VASH1: variants seen among roughly 807,000 people sequenced by gnomAD.
VASH1 encodes the protein vasohibin 1.
A neutral mutation model predicts 35.0 loss-of-function variants in VASH1; 16 were observed. The ratio of observed to expected loss-of-function variants is 0.46; its 90% CI spans 0.31 to 0.70. The LOEUF (loss-of-function observed/expected upper bound fraction) is 0.70. Ranked by LOEUF, VASH1 falls within the 30% of genes least tolerant of loss-of-function variation. The pLI is 0.05. For synonymous variants in VASH1, 214 were observed against 200.9 expected, an observed-to-expected ratio of 1.07 and a Z score of -0.55; for missense variants, 505 against 510.7, an observed-to-expected ratio of 0.99 and a Z score of 0.11.
rs755186297 is a variant in VASH1, at chr14:76,776,163, C to T, written c.802C>T (p.His268Tyr). ...GGGCCAGAGCGTGTCACACGACCCG[C>T]ACAGCGTGGAGCAGATCGAGTGGAA... ...KLGQSVSHDP[H>Y]SVEQIEWKHS... Residue 268 changes from histidine (H) to tyrosine (Y), a missense_variant, in exon 5 of 7, where the codon CAC (histidine) becomes TAC (tyrosine). His to Tyr is a moderately conservative substitution (Grantham distance 83). Coordinates refer to ENST00000167106, the MANE Select transcript of VASH1 (RefSeq NM_014909.5). The T allele has an allele frequency of 1.9e-6, 3 of 1,610,866 alleles. No individual in the cohort carries two copies. The highest frequency in any genetic ancestry group is 2.5e-6 in the Non-Finnish European group (3 of 1,179,804).
chr14:76,776,297 G>GCCCCCT, intron 5 of VASH1, 24 bp downstream of exon 5: 2 of 1,468,216 alleles, frequency 1.4e-6, no homozygotes, highest in Non-Finnish European at 1.8e-6. Flanking sequence ...CCACGCCCTC[G>GCCCCCT]CCCCCTCCCT....
At chr14:76,765,484 G>A (rs942649942) in intron 1 of VASH1, among the ~76,000 whole-genome samples, 10 of 152,192 alleles carry the variant, frequency 6.6e-5, no homozygotes, top group African/African-American at 2.4e-4. Flanking sequence ...GTCTGGGAGT[G>A]CAGTGGAGTC....
chr14:76,769,158 C>T, intron 1 of VASH1: 1 of 566,134 alleles, frequency 1.8e-6, no homozygotes, highest in Non-Finnish European at 2.2e-6. Flanking sequence ...ACCTTACCCC[C>T]AGCAGCCTCC....
intron 4 of VASH1, chr14:76,773,451 C>G: frequency 1.9e-6 from 1 of 539,870 alleles, no homozygotes; most frequent in East Asian, 2.9e-5. Flanking sequence ...CTGGGCAGCT[C>G]TTTTTTGAGT....
rs937087529 is a variant in VASH1, at chr14:76,780,748, A to G, written c.*1730A>G. On this transcript the variant is annotated 3_prime_UTR_variant, in exon 7 of 7. Transcript: ENST00000167106. The stretch of plus-strand genomic sequence containing the variant: ...GATTTTTAAATGCTGGTGATCACTT[A>G]AAAAAAACTTAAAAACCCAATACTG... The G allele has an allele frequency of 6.6e-6, 1 of 152,126 alleles. No homozygotes were observed. Among genetic ancestry groups the G allele is most frequent in the Non-Finnish European group, 1.5e-5 (1 of 68,022 alleles). The allele number at this position is 152,126 out of a possible 1,614,324, so 9.4% of individuals were successfully genotyped here.
intron 4 of VASH1, chr14:76,773,805 T>G (rs924869089): frequency 3.9e-5 from 6 of 152,948 alleles, no homozygotes; most frequent in African/African-American, 1.4e-4. Flanking sequence ...GAGGAGGAAG[T>G]GTTTATGGCT....
Position 76,782,961 on chromosome 14 carries a change from C to T in VASH1, c.*3943C>T, listed in dbSNP as rs1368127876. The T allele has an allele frequency of 1.3e-5, 2 of 152,758 alleles. No homozygotes were observed. Among genetic ancestry groups the T allele is most frequent in the Non-Finnish European group, 2.9e-5 (2 of 68,110 alleles). The allele number at this position is 152,758 out of a possible 1,614,324, so 9.5% of individuals were successfully genotyped here. A position where few individuals can be genotyped will look rare whatever the true frequency, so the allele number is the denominator to read the frequency against. On this transcript the variant is annotated 3_prime_UTR_variant, in exon 7 of 7. Coordinates refer to ENST00000167106, the MANE Select transcript of VASH1 (RefSeq NM_014909.5). ...ATCTCATTCCTGTTGTCACTTTCCC[C>T]GAAACGAATAAAGTCTCCCCAGCTC... is the stretch of plus-strand genomic sequence containing the variant.
At chr14:76,777,187 T>G (rs532150809) in intron 5 of VASH1, among the ~76,000 whole-genome samples, 1 of 152,290 alleles carries the variant, frequency 6.6e-6, no homozygotes, top group Admixed American at 6.5e-5. Context: ...GGCCAAGATC[T>G]CCTGGGGTGA....
chr14:76,770,291 C>T (rs1290782670), intron 2 of VASH1, among the ~76,000 whole-genome samples: 35 of 152,158 alleles, frequency 2.3e-4, no homozygotes, highest in Admixed American at 2.3e-3. Context: ...ACCCCCTTCC[C>T]GCTCCTGCCG....
chr14:76,765,952 C>G (rs1893631324), intron 1 of VASH1, among the ~76,000 whole-genome samples: 2 of 152,228 alleles, frequency 1.3e-5, no homozygotes, highest in African/African-American at 4.8e-5. Flanking sequence ...CTACCATGTT[C>G]AAATCCTTGA....
chr14:76,770,261 C>T (rs958525232), intron 2 of VASH1, among the ~76,000 whole-genome samples: 4 of 152,242 alleles, frequency 2.6e-5, no homozygotes, highest in African/African-American at 9.6e-5. Flanking sequence ...GAGTGCAGGG[C>T]CCACTCTGCA....
rs1024409355 is a variant in VASH1 at position 76,762,829 on chromosome 14, G to A, written c.8G>A (p.Gly3Glu). MP[G>E]GKKVAGGGSS... ...CCCCTCGAAGATTTAGGGATGCCAG[G>A]GGGGAAGAAGGTGGCTGGGGGTGGC... The change falls in exon 1 of 7, where the codon GGG (glycine) becomes GAG (glutamate). Residue 3 changes from glycine (G) to glutamate (E), a missense_variant. Transcript: ENST00000167106. 1 of 1,491,016 alleles carries A rather than the reference G, an allele frequency of 6.7e-7. No individual in the cohort carries two copies. Among genetic ancestry groups the A allele is most frequent in the Non-Finnish European group, 8.9e-7 (1 of 1,120,684 alleles). 92.4% of individuals were successfully genotyped at this position (1,491,016 alleles called of 1,614,324 possible).
In VASH1 at chr14:76,771,261, G is replaced by A; in HGVS notation, c.455+15G>A. On this transcript the variant is annotated intron_variant, in intron 3 of 6. Transcript: ENST00000167106. ...CCTCTGACAGGGTAAGTATGGGGAG[G>A]CCAGTCCTCTGCCCCAGGGCTGGCT... 1 of 1,590,452 alleles carries A rather than the reference G, an allele frequency of 6.3e-7. No individual in the cohort carries two copies. The highest frequency in any genetic ancestry group is 8.6e-7 in the Non-Finnish European group (1 of 1,168,828).
In VASH1 at chr14:76,762,849, G is replaced by T; in HGVS notation, c.28G>T (p.Gly10Cys). ...GCCAGGGGGGAAGAAGGTGGCTGGG[G>T]GTGGCAGCAGCGGTGCCACTCCAAC... is the stretch of plus-strand genomic sequence containing the variant. MPGGKKVAG[G>C]GSSGATPTSA... The change falls in exon 1 of 7, where the codon GGT becomes TGT. Residue 10 changes from glycine (G) to cysteine (C), a missense_variant. Coordinates refer to ENST00000167106, the MANE Select transcript of VASH1 (RefSeq NM_014909.5). 1 of 1,506,878 alleles carries T rather than the reference G, an allele frequency of 6.6e-7. No homozygotes were observed. Among genetic ancestry groups the T allele is most frequent in the Admixed American group, 2.2e-5 (1 of 44,568 alleles). The allele number at this position is 1,506,878 out of a possible 1,614,324, so 93.3% of individuals were successfully genotyped here.
At chr14:76,778,160 T>A in intron 6 of VASH1, 89 bp downstream of exon 6, 1 of 964,874 alleles carries the variant, frequency 1.0e-6, no homozygotes, top group South Asian at 2.4e-5. Flanking sequence ...TTTATCTCTC[T>A]CCCACCCTTC....
chr14:76,780,195 G>A lies in VASH1; in HGVS notation c.*1177G>A, dbSNP rs1347752431. 1 of 153,520 alleles carries A rather than the reference G, an allele frequency of 6.5e-6. No homozygotes were observed. Among genetic ancestry groups the A allele is most frequent in the Non-Finnish European group, 1.4e-5 (1 of 69,030 alleles). 9.5% of individuals were successfully genotyped at this position (153,520 alleles called of 1,614,324 possible). A position where few individuals can be genotyped will look rare whatever the true frequency, so the allele number is the denominator to read the frequency against. On this transcript the variant is annotated 3_prime_UTR_variant, in exon 7 of 7. Transcript: ENST00000167106. ...GGAGAGGTTGGCAGAGCCAGGGGTA[G>A]GTTCTGGAGGCTCAAGCAACAAGGA...
At chr14:76,772,314 GCTT>G (rs1893814794) in intron 3 of VASH1, among the ~76,000 whole-genome samples, 1 of 152,178 alleles carries the variant, frequency 6.6e-6, no homozygotes, top group African/African-American at 2.4e-5. Flanking sequence ...ATCTATGTTT[GCTT>G]CTTTGTGAAA....
In VASH1 at chr14:76,773,165, A is replaced by G. The variant is rs1385654144; in HGVS notation, c.484A>G (p.Lys162Glu). ...GATGGACCTGGCCAAGGAAATGACC[A>G]AAGAGGCCCTGCCAATCAAATGCCT... ...GLMDLAKEMTKEALPIKCLEA... is the reference protein window; with the variant it reads ...GLMDLAKEMTEEALPIKCLEA... Residue 162 changes from lysine (K) to glutamate (E), a missense_variant, in exon 4 of 7, where the codon AAA becomes GAA. Lys to Glu is a moderately conservative substitution (Grantham distance 56). Coordinates refer to ENST00000167106, the MANE Select transcript of VASH1 (RefSeq NM_014909.5). 6.2e-7 allele frequency: 1 copy of G among 1,613,972 alleles called. No individual in the cohort carries two copies. The highest frequency in any genetic ancestry group is 8.5e-7 in the Non-Finnish European group (1 of 1,179,976).
intron 1 of VASH1, chr14:76,769,181 A>G (rs2140177562): frequency 1.2e-6 from 1 of 801,962 alleles, no homozygotes; most frequent in Non-Finnish European, 1.5e-6. Flanking sequence ...GCTCCCAGGC[A>G]TCGGGAAACA....
Sources: allele counts gnomAD v4.1 joint callset (sites outside exome capture counted in the v4.1 genomes callset), GRCh38; gene constraint gnomAD v4.1.1; transcripts MANE v1.5; gene names NCBI Gene and HGNC (gene_info 2026-07-23, HGNC 2026-07-21).